FAM163A: variants seen among roughly 807,000 people sequenced by gnomAD.
The protein encoded by FAM163A is protein FAM163A.
Under a neutral mutation model 12.0 loss-of-function variants are expected in FAM163A, and 7 were observed. That is an observed-to-expected ratio of 0.58 (90% CI 0.33 to 1.10). The LOEUF (loss-of-function observed/expected upper bound fraction) is 1.10, where lower values mean the gene tolerates loss of function less well. Ranked by LOEUF, FAM163A falls within the 50% of genes least tolerant of loss-of-function variation. FAM163A has a pLI of 0.03. For missense variants in FAM163A, 202 were observed against 218.6 expected, an observed-to-expected ratio of 0.92 and a Z score of 0.48; for synonymous variants, 101 against 91.0, an observed-to-expected ratio of 1.11 and a Z score of -0.62.
intron 1 of FAM163A, among the ~76,000 whole-genome samples, chr1:179,750,868 A>C (rs1234605444): frequency 6.6e-6 from 1 of 152,202 alleles, no homozygotes; most frequent in Non-Finnish European, 1.5e-5. Context: ...GAAAGTTTGT[A>C]GTGGTGGTGG....
intron 1 of FAM163A, among the ~76,000 whole-genome samples, chr1:179,803,630 G>A (rs140544882): frequency 0.015 from 2,331 of 151,900 alleles, 28 homozygotes; most frequent in African/African-American, 0.036. Context: ...GTGCAATGGC[G>A]CCATCTCAGC....
At chr1:179,740,401 A>T (rs1278933685), upstream of FAM163A, among the ~76,000 whole-genome samples, 1 of 152,040 alleles carries the variant, frequency 6.6e-6, no homozygotes, top group Non-Finnish European at 1.5e-5. Context: ...GCCAGTCTGG[A>T]ACTACTGGGC....
intron 1 of FAM163A, among the ~76,000 whole-genome samples, chr1:179,745,333 T>C (rs1315255463): frequency 6.6e-6 from 1 of 150,614 alleles, no homozygotes; most frequent in Non-Finnish European, 1.5e-5. Flanking sequence ...CCCAAGAATC[T>C]CTGTTTTTTC....
the FAM163A span, among the ~76,000 whole-genome samples, chr1:179,736,341 AAT>A: frequency 9.2e-5 from 14 of 152,084 alleles, no homozygotes; most frequent in African/African-American, 3.1e-4. Context: ...AAAAAAAAAA[AAT>A]AACCCAACTA....
chr1:179,800,538 G>T (rs1372317781), intron 1 of FAM163A, among the ~76,000 whole-genome samples: 1 of 152,244 alleles, frequency 6.6e-6, no homozygotes, highest in Non-Finnish European at 1.5e-5. Flanking sequence ...GACAGAGACT[G>T]CAGAGTCACC....
intron 3 of FAM163A, 74 bp from the exon 4 acceptor site, chr1:179,813,002 C>G (rs1446903204): frequency 7.1e-7 from 1 of 1,410,008 alleles, no homozygotes; most frequent in Non-Finnish European, 9.8e-7. Flanking sequence ...CGGGGCAGTT[C>G]CAGGAAGACT....
intron 1 of FAM163A, among the ~76,000 whole-genome samples, chr1:179,745,309 G>T (rs1214693820): frequency 6.6e-6 from 1 of 151,920 alleles, no homozygotes; most frequent in Non-Finnish European, 1.5e-5. Flanking sequence ...ATGAGAGCAG[G>T]TCCCCCTGTT....
rs1691182275 is a variant in FAM163A at position 179,789,790 on chromosome 1, T to TA, written c.-135-18007dup. On this transcript the variant is annotated intron_variant, in intron 1 of 4. Coordinates refer to ENST00000341785, the MANE Select transcript of FAM163A (RefSeq NM_173509.3). ...AGGCAATTAAAGCCTTGTCCAGGGT[T>TA]ACACAACTAAAAAAAATGGTACAAA... 4.6e-5 allele frequency among the ~76,000 whole-genome samples: 7 copies of TA among 152,278 alleles called. No homozygotes were observed. In the South Asian group the frequency reaches 1.5e-3, roughly 32 times the overall value.
At chr1:179,738,199 G>A in the FAM163A span, among the ~76,000 whole-genome samples, 1 of 152,168 alleles carries the variant, frequency 6.6e-6, no homozygotes, top group Non-Finnish European at 1.5e-5. Context: ...TAGCACTTTA[G>A]GGTGAGAATT....
intron 1 of FAM163A, among the ~76,000 whole-genome samples, chr1:179,752,211 T>C (rs1685370448): frequency 1.3e-5 from 2 of 152,106 alleles, no homozygotes; most frequent in Non-Finnish European, 2.9e-5. Context: ...GATAGTCTCT[T>C]CAACAAATAG....
chr1:179,770,468 C>CTT (rs1688130112), intron 1 of FAM163A, among the ~76,000 whole-genome samples: 5 of 152,162 alleles, frequency 3.3e-5, no homozygotes, highest in Admixed American at 3.3e-4. Context: ...CTTCCCATTG[C>CTT]TCTTGGAATG....
chr1:179,738,321 A>G (rs1038845447), upstream of FAM163A, among the ~76,000 whole-genome samples: 4 of 152,248 alleles, frequency 2.6e-5, no homozygotes, highest in African/African-American at 9.6e-5. Flanking sequence ...TGATCATTGC[A>G]CATTATATAC....
chr1:179,776,244 G>A (rs995761844), intron 1 of FAM163A, among the ~76,000 whole-genome samples: 1 of 151,896 alleles, frequency 6.6e-6, no homozygotes, highest in Non-Finnish European at 1.5e-5. Flanking sequence ...CTGTAATACC[G>A]GCACTTTGTT....
At chr1:179,734,793 T>G in the FAM163A span, among the ~76,000 whole-genome samples, 1 of 152,194 alleles carries the variant, frequency 6.6e-6, no homozygotes, top group African/African-American at 2.4e-5. Flanking sequence ...TTCCACCAGA[T>G]GAACCTGTCT....
Position 179,814,855 on chromosome 1 carries a change from A to C in FAM163A, c.*666A>C. 1 of 152,318 alleles carries C rather than the reference A, an allele frequency of 6.6e-6. No individual in the cohort carries two copies. Among genetic ancestry groups the C allele is most frequent in the Non-Finnish European group, 1.5e-5 (1 of 68,092 alleles). The allele number at this position is 152,318 out of a possible 1,614,324, so 9.4% of individuals were successfully genotyped here. On this transcript the variant is annotated 3_prime_UTR_variant, in exon 5 of 5. Coordinates refer to ENST00000341785, the MANE Select transcript of FAM163A (RefSeq NM_173509.3). ...CGTGGGACGTGTCAAGTTGACTTTA[A>C]AGCCTAAGGTGGCTTGTGGGGACTG...
chr1:179,770,669 C>T (rs969255856), intron 1 of FAM163A, among the ~76,000 whole-genome samples: 1 of 152,096 alleles, frequency 6.6e-6, no homozygotes, highest in Non-Finnish European at 1.5e-5. Context: ...CTGCCTGGAA[C>T]ACTCTCCCTC....
At chr1:179,737,641 G>C in the FAM163A span, among the ~76,000 whole-genome samples, 17 of 152,204 alleles carry the variant, frequency 1.1e-4, no homozygotes, top group South Asian at 1.0e-3. Flanking sequence ...CAAGACCATC[G>C]TGGCTAACAC....
At chr1:179,744,965 C>T (rs797003653) in intron 1 of FAM163A, among the ~76,000 whole-genome samples, 64 of 152,338 alleles carry the variant, frequency 4.2e-4, no homozygotes, top group African/African-American at 1.5e-3. Context: ...AGGCAGCTTT[C>T]CTTCTGCCCT....
chr1:179,765,912 CA>C (rs1687438443), intron 1 of FAM163A, among the ~76,000 whole-genome samples: 1 of 152,104 alleles, frequency 6.6e-6, no homozygotes, highest in African/African-American at 2.4e-5. Context: ...GCTCCCTACC[CA>C]AAAACTCCCT....
Sources: allele counts gnomAD v4.1 joint callset (sites outside exome capture counted in the v4.1 genomes callset), GRCh38; gene constraint gnomAD v4.1.1; transcripts MANE v1.5; gene names NCBI Gene and HGNC (gene_info 2026-07-23, HGNC 2026-07-21).